CSMD1: variants seen among roughly 807,000 people sequenced by gnomAD.
The protein encoded by CSMD1 is CUB and Sushi multiple domains 1, also known as CUB and sushi domain-containing protein 1.
A neutral mutation model predicts 417.5 loss-of-function variants in CSMD1; 213 were observed. The ratio of observed to expected loss-of-function variants is 0.51; its 90% CI spans 0.46 to 0.57. CSMD1 has a LOEUF of 0.57. Ranked by LOEUF, CSMD1 falls within the 20% of genes least tolerant of loss-of-function variation. CSMD1 has a pLI of 0.00. For synonymous variants in CSMD1, 2,862 were observed against 1,736.8 expected (o/e 1.65, Z -16.11); for missense variants, 6,923 against 4,529.7 (o/e 1.53, Z -15.17).
At chr8:4,254,117 C>A (rs372314129) in intron 3 of CSMD1, among the ~76,000 whole-genome samples, 1 of 151,986 alleles carries the variant, frequency 6.6e-6, no homozygotes, top group Middle Eastern at 3.4e-3. Flanking sequence ...CAGGGTTTCA[C>A]CGTGTTAGCC....
chr8:4,320,538 G>T (rs751051157), intron 3 of CSMD1, among the ~76,000 whole-genome samples: 1 of 152,030 alleles, frequency 6.6e-6, no homozygotes, highest in African/African-American at 2.4e-5. Context: ...GCCCCAGTGG[G>T]TGATGTTCCC....
intron 3 of CSMD1, among the ~76,000 whole-genome samples, chr8:4,159,648 G>C (rs895526144): frequency 2.0e-5 from 3 of 152,138 alleles, no homozygotes; most frequent in African/African-American, 7.2e-5. Flanking sequence ...GAGCACAGTG[G>C]CGCGATCTCG....
intron 1 of CSMD1, among the ~76,000 whole-genome samples, chr8:4,867,044 C>T (rs893666084): frequency 1.3e-5 from 2 of 151,886 alleles, no homozygotes; most frequent in African/African-American, 4.8e-5. Flanking sequence ...TTGTTTTTTG[C>T]TCAAATTAAG....
intron 3 of CSMD1, among the ~76,000 whole-genome samples, chr8:4,199,209 C>G (rs763475221): frequency 1.4e-5 from 2 of 145,214 alleles, no homozygotes; most frequent in Non-Finnish European, 3.0e-5. Context: ...AAATACAATA[C>G]CAAATATCCT....
At chr8:3,452,176 G>A (rs1815772413) in intron 12 of CSMD1, among the ~76,000 whole-genome samples, 2 of 152,198 alleles carry the variant, frequency 1.3e-5, no homozygotes, top group South Asian at 4.1e-4. Flanking sequence ...TGTATCCTGA[G>A]ACTTTGCTAA....
intron 25 of CSMD1, among the ~76,000 whole-genome samples, chr8:3,294,297 C>G (rs376774850): frequency 1.3e-5 from 2 of 152,188 alleles, no homozygotes; most frequent in Non-Finnish European, 2.9e-5. Flanking sequence ...GGCAGTCTGT[C>G]TGTTCTGAGA....
chr8:4,636,077 T>A (rs1322678600), intron 2 of CSMD1, among the ~76,000 whole-genome samples: 1 of 152,088 alleles, frequency 6.6e-6, no homozygotes, highest in African/African-American at 2.4e-5. Flanking sequence ...ATAAACTAGA[T>A]GTACACATAA....
chr8:3,717,704 T>C (rs940579455), intron 6 of CSMD1, among the ~76,000 whole-genome samples: 9 of 152,234 alleles, frequency 5.9e-5, no homozygotes, highest in African/African-American at 1.9e-4. Flanking sequence ...ACACTTAATA[T>C]TGGTAGAATA....
Position 4,949,664 on chromosome 8 carries a change from G to C in CSMD1, c.85+44668C>G, listed in dbSNP as rs1023423605. ...TGACCCCACATGGCAATAGTGCCAA[G>C]GCTGAGAAATACTGCATTAGTTATT... is the stretch of plus-strand genomic sequence containing the variant. On this transcript the variant is annotated intron_variant, in intron 1 of 69. Transcript: ENST00000635120. Among the ~76,000 whole-genome samples, 4 of 152,272 alleles carry C rather than the reference G, an allele frequency of 2.6e-5. No homozygotes were observed. In the East Asian group the frequency reaches 5.8e-4, roughly 22 times the overall value.
intron 3 of CSMD1, among the ~76,000 whole-genome samples, chr8:4,204,418 C>T (rs1422667880): frequency 6.6e-6 from 1 of 152,126 alleles, no homozygotes; most frequent in Non-Finnish European, 1.5e-5. Flanking sequence ...AAACCCAACC[C>T]ATAAGCTAAT....
intron 4 of CSMD1, among the ~76,000 whole-genome samples, chr8:4,024,540 A>C (rs1223044908): frequency 2.0e-5 from 3 of 152,212 alleles, no homozygotes; most frequent in African/African-American, 7.2e-5. Flanking sequence ...ATCAGAGGTC[A>C]AGTCAATTTG....
At chr8:4,028,164 T>G (rs991249467) in intron 4 of CSMD1, among the ~76,000 whole-genome samples, 1 of 152,142 alleles carries the variant, frequency 6.6e-6, no homozygotes, top group Admixed American at 6.5e-5. Context: ...GAAAAAATAA[T>G]GGGCATCTAG....
intron 15 of CSMD1, among the ~76,000 whole-genome samples, chr8:3,403,287 T>C (rs1431630213): frequency 6.6e-6 from 1 of 152,222 alleles, no homozygotes; most frequent in Admixed American, 6.5e-5. Context: ...TATTACTCAC[T>C]GCTTCATTGC....
intron 3 of CSMD1, among the ~76,000 whole-genome samples, chr8:4,319,464 T>G (rs147637851): frequency 6.6e-6 from 1 of 152,256 alleles, no homozygotes; most frequent in Non-Finnish European, 1.5e-5. Context: ...TAGCTACTCC[T>G]TCTTAAGGCT....
intron 5 of CSMD1, among the ~76,000 whole-genome samples, chr8:3,984,004 G>C (rs539892900): frequency 6.2e-4 from 92 of 148,358 alleles, no homozygotes; most frequent in South Asian, 3.4e-3. Context: ...GGGCAGATCT[G>C]ATGGGGCTGT....
intron 2 of CSMD1, among the ~76,000 whole-genome samples, chr8:4,448,953 G>A (rs187470283): frequency 6.6e-6 from 1 of 152,094 alleles, no homozygotes; most frequent in Non-Finnish European, 1.5e-5. Context: ...CAGTGTACCT[G>A]TTTCTCTTCT....
intron 2 of CSMD1, among the ~76,000 whole-genome samples, chr8:4,444,082 C>T (rs976915387): frequency 5.3e-5 from 8 of 152,050 alleles, no homozygotes; most frequent in Non-Finnish European, 2.9e-5. Context: ...TAGCTCATGC[C>T]TGTAACCCCA....
intron 3 of CSMD1, among the ~76,000 whole-genome samples, chr8:4,150,818 A>C (rs1481478978): frequency 6.6e-6 from 1 of 152,132 alleles, no homozygotes; most frequent in Non-Finnish European, 1.5e-5. Flanking sequence ...TGTTGGGAGA[A>C]GACAGGGAGG....
intron 5 of CSMD1, among the ~76,000 whole-genome samples, chr8:3,818,439 C>G (rs1023229766): frequency 6.6e-6 from 1 of 152,156 alleles, no homozygotes; most frequent in Non-Finnish European, 1.5e-5. Context: ...CTAATTAACT[C>G]CTCATGGATC....
Sources: gnomAD v4.1 joint callset for allele counts (sites outside exome capture counted in the v4.1 genomes callset) on GRCh38, gnomAD v4.1.1 for gene constraint, MANE v1.5 for transcripts, NCBI Gene and HGNC (gene_info 2026-07-23, HGNC 2026-07-21) for gene names.